PRKG1: variants seen among roughly 807,000 people sequenced by gnomAD.
The protein encoded by PRKG1 is cGMP-dependent protein kinase 1.
A neutral mutation model predicts 88.1 loss-of-function variants in PRKG1; 35 were observed. The observed-to-expected ratio is 0.40, with a 90% CI of 0.30 to 0.53. The LOEUF is 0.53. Among genes scored for constraint, PRKG1 ranks in the 20% least tolerant of loss-of-function variants. The pLI, the probability that PRKG1 is intolerant of heterozygous loss-of-function variation, is 0.59. For missense variants in PRKG1, 540 were observed against 839.8 expected (o/e 0.64, Z 4.41); for synonymous variants, 303 against 292.5 (o/e 1.04, Z -0.37).
chr10:51,208,952 G>A lies in PRKG1; in HGVS notation c.478+55622G>A, dbSNP rs150436513. 1.8e-3 allele frequency among the ~76,000 whole-genome samples: 267 copies of A among 152,288 alleles called. 1 individual carries two copies. The highest frequency in any genetic ancestry group is 6.1e-3 in the African/African-American group (253 of 41,572). ...TCATCAATTTATTTCTCTCCTGAAA[G>A]CATTTTGTGACTTATAAACACTGCA... is the stretch of plus-strand genomic sequence containing the variant. On this transcript the variant is annotated intron_variant, in intron 2 of 17. Transcript: ENST00000373980.
intron 2 of PRKG1, among the ~76,000 whole-genome samples, chr10:51,211,317 A>C (rs1410377519): frequency 6.6e-6 from 1 of 152,210 alleles, no homozygotes; most frequent in Non-Finnish European, 1.5e-5. Context: ...GACATATCTC[A>C]AAATAGTAAG....
intron 3 of PRKG1, among the ~76,000 whole-genome samples, chr10:51,642,155 G>T (rs753721072): frequency 6.6e-6 from 1 of 152,108 alleles, no homozygotes; most frequent in Non-Finnish European, 1.5e-5. Context: ...ACTTTGGGAG[G>T]CCAAGGCGGC....
At chr10:51,668,402 A>G (rs967682545) in intron 3 of PRKG1, among the ~76,000 whole-genome samples, 2 of 152,186 alleles carry the variant, frequency 1.3e-5, no homozygotes, top group Non-Finnish European at 2.9e-5. Context: ...TAATTTGCTC[A>G]AACAATTTGT....
intron 10 of PRKG1, among the ~76,000 whole-genome samples, chr10:52,254,505 C>A (rs1841261862): frequency 6.6e-6 from 1 of 151,554 alleles, no homozygotes; most frequent in East Asian, 1.9e-4. Flanking sequence ...AAAAAATTTC[C>A]CAGAAATAAG....
chr10:51,557,425 A>G (rs1018829137), intron 3 of PRKG1, among the ~76,000 whole-genome samples: 2 of 151,800 alleles, frequency 1.3e-5, no homozygotes, highest in Non-Finnish European at 2.9e-5. Context: ...CATGAATCTT[A>G]AGTGATAGAA....
chr10:51,698,263 C>T (rs765545916), intron 3 of PRKG1: 1 of 1,614,006 alleles, frequency 6.2e-7, no homozygotes, highest in African/African-American at 1.3e-5. Context: ...TTACACGTGT[C>T]TCTAAGACCT....
intron 2 of PRKG1, among the ~76,000 whole-genome samples, chr10:51,420,380 G>A (rs1038634459): frequency 6.6e-6 from 1 of 152,116 alleles, no homozygotes; most frequent in East Asian, 1.9e-4. Context: ...AATTTGTTGG[G>A]ACTCCAGATT....
chr10:51,869,640 T>C (rs932301493), intron 4 of PRKG1, among the ~76,000 whole-genome samples: 2 of 152,138 alleles, frequency 1.3e-5, no homozygotes, highest in African/African-American at 4.8e-5. Context: ...ATGAGAAATT[T>C]CTATATGAAA....
chr10:51,489,984 C>T (rs1449960439), intron 3 of PRKG1, among the ~76,000 whole-genome samples: 1 of 152,142 alleles, frequency 6.6e-6, no homozygotes, highest in African/African-American at 2.4e-5. Context: ...TTAGGGATGG[C>T]CACTGGAAAC....
At chr10:51,363,838 A>G (rs1317070986) in intron 2 of PRKG1, among the ~76,000 whole-genome samples, 1 of 151,964 alleles carries the variant, frequency 6.6e-6, no homozygotes, top group African/African-American at 2.4e-5. Context: ...GGTTTTTTGC[A>G]TGCACAAAGG....
At chr10:51,337,884 C>G (rs1209953894) in intron 2 of PRKG1, among the ~76,000 whole-genome samples, 1 of 152,164 alleles carries the variant, frequency 6.6e-6, no homozygotes, top group Non-Finnish European at 1.5e-5. Flanking sequence ...TTTGACCCAG[C>G]AATCCCATTG....
At chr10:51,382,756 C>G (rs1352661919) in intron 2 of PRKG1, among the ~76,000 whole-genome samples, 1 of 152,178 alleles carries the variant, frequency 6.6e-6, no homozygotes, top group Non-Finnish European at 1.5e-5. Context: ...GAACAAAGCT[C>G]TGGCTCCATT....
chr10:51,086,605 A>G (rs1337448000), intron 1 of PRKG1, among the ~76,000 whole-genome samples: 1 of 152,152 alleles, frequency 6.6e-6, no homozygotes, highest in African/African-American at 2.4e-5. Flanking sequence ...AGTTTAAGCA[A>G]CTCACCCCCT....
At chr10:51,179,431 C>T (rs181154545) in intron 2 of PRKG1, among the ~76,000 whole-genome samples, 11 of 152,210 alleles carry the variant, frequency 7.2e-5, no homozygotes, top group African/African-American at 2.2e-4. Flanking sequence ...AGCTAATTAT[C>T]GGCTTTATCC....
At chr10:51,888,606 C>A (rs1183012285) in intron 4 of PRKG1, among the ~76,000 whole-genome samples, 2 of 152,170 alleles carry the variant, frequency 1.3e-5, no homozygotes, top group Non-Finnish European at 2.9e-5. Flanking sequence ...ACAAACAATG[C>A]AGGGTCTGAT....
At chr10:51,932,544 G>T (rs967780540) in intron 5 of PRKG1, among the ~76,000 whole-genome samples, 4 of 152,128 alleles carry the variant, frequency 2.6e-5, no homozygotes, top group Non-Finnish European at 4.4e-5. Context: ...CCACGGCCAG[G>T]TTTTAATTTT....
At chr10:52,018,581 A>G (rs1159197780) in intron 5 of PRKG1, among the ~76,000 whole-genome samples, 2 of 152,192 alleles carry the variant, frequency 1.3e-5, no homozygotes, top group African/African-American at 2.4e-5. Flanking sequence ...ACCCCAAAAC[A>G]ACACAGGATC....
chr10:51,922,210 T>C (rs1488235018), intron 5 of PRKG1, among the ~76,000 whole-genome samples: 1 of 151,680 alleles, frequency 6.6e-6, no homozygotes, highest in Non-Finnish European at 1.5e-5. Context: ...TTTTTTTTAT[T>C]TTTTGTTAAT....
rs186116637 is a variant in PRKG1 at position 51,078,138 on chromosome 10, A to G, written c.311+3237A>G. Among the ~76,000 whole-genome samples, 755 of 152,228 alleles carry G rather than the reference A, an allele frequency of 5.0e-3. 8 individuals carry two copies. Among genetic ancestry groups the G allele is most frequent in the African/African-American group, 0.017 (715 of 41,534 alleles). On this transcript the variant is annotated intron_variant, in intron 1 of 17. Transcript: ENST00000373980. ...ATTTCAGTTGGATTATATAGACTTG[A>G]GTTCCTAAAAGTGGTTAGTGTCTTT... is the stretch of plus-strand genomic sequence containing the variant.
Sources: allele counts gnomAD v4.1 joint callset (sites outside exome capture counted in the v4.1 genomes callset), GRCh38; gene constraint gnomAD v4.1.1; transcripts MANE v1.5; gene names NCBI Gene and HGNC (gene_info 2026-07-23, HGNC 2026-07-21).